PDE3A: variants seen among roughly 807,000 people sequenced by gnomAD.
PDE3A encodes cGMP-inhibited 3',5'-cyclic phosphodiesterase 3A.
A neutral mutation model predicts 98.3 loss-of-function variants in PDE3A; 43 were observed. The ratio of observed to expected loss-of-function variants is 0.44; its 90% CI spans 0.34 to 0.56. The LOEUF (loss-of-function observed/expected upper bound fraction) is 0.56, where lower values mean the gene tolerates loss of function less well. PDE3A is among the 20% of genes least tolerant of loss of function. The probability of loss-of-function intolerance (pLI) is 0.01; values close to 1 mark genes in which losing one functional copy is unlikely to be tolerated. For synonymous variants in PDE3A, 663 were observed against 567.9 expected, an observed-to-expected ratio of 1.17 and a Z score of -2.38; for missense variants, 1,427 against 1,440.7, an observed-to-expected ratio of 0.99 and a Z score of 0.15.
At chr12:20,487,597 G>C (rs1323794333) in intron 1 of PDE3A, among the ~76,000 whole-genome samples, 1 of 149,842 alleles carries the variant, frequency 6.7e-6, no homozygotes, top group Non-Finnish European at 1.5e-5. Context: ...AAGTTGTAGC[G>C]AGCCAAGATT....
At chr12:20,563,597 G>T (rs545141054) in intron 2 of PDE3A, among the ~76,000 whole-genome samples, 1 of 152,076 alleles carries the variant, frequency 6.6e-6, no homozygotes, top group African/African-American at 2.4e-5. Flanking sequence ...ATCAATATTC[G>T]TTCAGAAATT....
intron 1 of PDE3A, among the ~76,000 whole-genome samples, chr12:20,448,933 A>T (rs1297216540): frequency 6.6e-6 from 1 of 152,154 alleles, no homozygotes; most frequent in Non-Finnish European, 1.5e-5. Context: ...TTGTTACAAA[A>T]GATTCAGTTA....
chr12:20,376,488 TG>T (rs1199457293), intron 1 of PDE3A, among the ~76,000 whole-genome samples: 1 of 151,942 alleles, frequency 6.6e-6, no homozygotes, highest in African/African-American at 2.4e-5. Context: ...ACACAAAACT[TG>T]TTAATACCAG....
intron 1 of PDE3A, among the ~76,000 whole-genome samples, chr12:20,483,379 C>G (rs2121013886): frequency 6.6e-6 from 1 of 152,212 alleles, no homozygotes; most frequent in South Asian, 2.1e-4. Flanking sequence ...CATAGCGACA[C>G]TCCATCTCAA....
In PDE3A at chr12:20,425,155, G is replaced by A. The variant is rs1002223483; in HGVS notation, c.960+54911G>A. On this transcript the variant is annotated intron_variant, in intron 1 of 15. Transcript: ENST00000359062. ...TTTAGAGTGTTTAAAAGAGGCACAC[G>A]CCTGGATTGGCCTCGGTGACCAATA... Among the ~76,000 whole-genome samples the A allele has an allele frequency of 7.9e-5, 12 of 152,174 alleles. 1 individual carries two copies. The highest frequency in any genetic ancestry group is 5.9e-4 in the Admixed American group (9 of 15,272).
chr12:20,433,341 A>G (rs1232693554), intron 1 of PDE3A, among the ~76,000 whole-genome samples: 1 of 152,160 alleles, frequency 6.6e-6, no homozygotes, highest in Non-Finnish European at 1.5e-5. Flanking sequence ...GAAATGAAAC[A>G]AGACAAGTGT....
At chr12:20,596,570 C>T (rs1183812326) in intron 2 of PDE3A, among the ~76,000 whole-genome samples, 1 of 152,102 alleles carries the variant, frequency 6.6e-6, no homozygotes, top group South Asian at 2.1e-4. Context: ...AGACGGATGC[C>T]TTCCTTTTAG....
chr12:20,632,583 C>A (rs531173534), intron 6 of PDE3A, among the ~76,000 whole-genome samples: 6 of 152,230 alleles, frequency 3.9e-5, no homozygotes, highest in African/African-American at 1.4e-4. Flanking sequence ...CTGTGCCAGG[C>A]CATTTGTGGG....
At chr12:20,502,382 A>G (rs1367144825) in intron 1 of PDE3A, among the ~76,000 whole-genome samples, 1 of 152,186 alleles carries the variant, frequency 6.6e-6, no homozygotes, top group Non-Finnish European at 1.5e-5. Flanking sequence ...ATTGGAATGA[A>G]TCCCCGCTAC....
At chr12:20,427,631 CAATA>C (rs1227883086) in intron 1 of PDE3A, among the ~76,000 whole-genome samples, 1 of 151,938 alleles carries the variant, frequency 6.6e-6, no homozygotes, top group African/African-American at 2.4e-5. Context: ...TTTGAAAAAG[CAATA>C]AATAGGCTTC....
chr12:20,624,289 G>A (rs770081918), intron 5 of PDE3A, among the ~76,000 whole-genome samples: 6 of 151,938 alleles, frequency 3.9e-5, no homozygotes, highest in African/African-American at 9.7e-5. Context: ...CTGTTTCTTC[G>A]GTTAAGTAAT....
At chr12:20,532,652 A>G (rs1038585551) in intron 1 of PDE3A, among the ~76,000 whole-genome samples, 1 of 151,186 alleles carries the variant, frequency 6.6e-6, no homozygotes, top group Non-Finnish European at 1.5e-5. Context: ...GAATAGATAC[A>G]TTTATGTCAG....
chr12:20,395,957 A>T (rs149927201), intron 1 of PDE3A, among the ~76,000 whole-genome samples: 1 of 152,126 alleles, frequency 6.6e-6, no homozygotes, highest in Non-Finnish European at 1.5e-5. Flanking sequence ...GTGCAGTGGC[A>T]TGATCATAGC....
intron 2 of PDE3A, among the ~76,000 whole-genome samples, chr12:20,573,393 T>TGTAGTGAGCCAAGATCGCAC (rs1942848789): frequency 6.6e-6 from 1 of 151,300 alleles, no homozygotes; most frequent in African/African-American, 2.5e-5. Context: ...CTTTTGGTTC[T>TGTAGTGAGCCAAGATCGCAC]CATGAAGCTC....
intron 1 of PDE3A, among the ~76,000 whole-genome samples, chr12:20,434,181 T>C (rs1406917320): frequency 2.6e-5 from 4 of 151,506 alleles, no homozygotes; most frequent in African/African-American, 9.7e-5. Context: ...TTTTTTTTTT[T>C]CCTGCGTTTC....
chr12:20,481,760 AT>A (rs1229105821), intron 1 of PDE3A, among the ~76,000 whole-genome samples: 3 of 62,324 alleles, frequency 4.8e-5, no homozygotes, highest in Non-Finnish European at 3.1e-5. Flanking sequence ...GACTTGGGAA[AT>A]AGATTTTTTT....
chr12:20,671,340 C>A (rs189314060), intron 15 of PDE3A, among the ~76,000 whole-genome samples: 5 of 151,800 alleles, frequency 3.3e-5, no homozygotes, highest in Non-Finnish European at 7.4e-5. Flanking sequence ...TCCTCCCTAA[C>A]TCATTTTATG....
intron 1 of PDE3A, 125 bp from the exon 2 acceptor site, chr12:20,556,535 C>A: frequency 1.5e-6 from 1 of 665,668 alleles, no homozygotes; most frequent in South Asian, 1.8e-5. Context: ...TTAATTTATT[C>A]ATGATAGCTA....
intron 13 of PDE3A, among the ~76,000 whole-genome samples, chr12:20,649,932 A>G (rs1944875719): frequency 2.3e-5 from 3 of 132,168 alleles, no homozygotes; most frequent in South Asian, 6.3e-4. Context: ...GTCTCAAAAA[A>G]AGAAAAGAGA....
Sources: gnomAD v4.1 joint callset for allele counts (sites outside exome capture counted in the v4.1 genomes callset) on GRCh38, gnomAD v4.1.1 for gene constraint, MANE v1.5 for transcripts, NCBI Gene and HGNC (gene_info 2026-07-23, HGNC 2026-07-21) for gene names.